The following TRAF6 variants were observed in gnomAD, a reference collection of about 807,000 sequenced individuals.
TRAF6 encodes the protein TNF receptor-associated factor 6.
TRAF6 carries 10 observed loss-of-function variants against 48.4 expected under a neutral mutation model. The observed-to-expected ratio is 0.21, with a 90% confidence interval of 0.13 to 0.35. The LOEUF is 0.35. TRAF6 is among the 10% of genes least tolerant of loss of function. The pLI, the probability that TRAF6 is intolerant of heterozygous loss-of-function variation, is 1.00. For missense variants in TRAF6, 397 were observed against 661.0 expected (o/e 0.60, Z 4.38); for synonymous variants, 186 against 219.6 (o/e 0.85, Z 1.35).
At chr11:36,503,518 A>T (rs534651681) in intron 1 of TRAF6, among the ~76,000 whole-genome samples, 1 of 152,192 alleles carries the variant, frequency 6.6e-6, no homozygotes, top group African/African-American at 2.4e-5. Flanking sequence ...CCTCACCTCA[A>T]ACGATCCACC....
rs898878183 is a variant in TRAF6 at position 36,484,127 on chromosome 11, G to A, written c.*5711C>T. Among the ~76,000 whole-genome samples the A allele has an allele frequency of 9.2e-5, 14 of 152,288 alleles. No homozygotes were observed. In the Middle Eastern group the frequency reaches 0.01, roughly 111 times the overall value. ...TGTATTGACCTGATGGAGGCCATCC[G>A]AGGTTTCACTGCCATTAGGAGCAGG... On this transcript the variant is annotated 3_prime_UTR_variant, in exon 7 of 7. Coordinates refer to ENST00000526995, the MANE Select transcript of TRAF6 (RefSeq NM_004620.4).
chr11:36,493,513 G>A (rs1859590436), intron 5 of TRAF6, among the ~76,000 whole-genome samples: 1 of 152,176 alleles, frequency 6.6e-6, no homozygotes, highest in South Asian at 2.1e-4. Context: ...ACACACATGG[G>A]TATGACTGTC....
chr11:36,503,419 G>C (rs1859744274), intron 1 of TRAF6, among the ~76,000 whole-genome samples: 3 of 151,856 alleles, frequency 2.0e-5, no homozygotes, highest in Admixed American at 2.0e-4. Flanking sequence ...CCAATAGCTG[G>C]GATTACAGGC....
chr11:36,491,091 C>A (rs1398761490), intron 6 of TRAF6, among the ~76,000 whole-genome samples: 2 of 152,070 alleles, frequency 1.3e-5, no homozygotes, highest in African/African-American at 2.4e-5. Flanking sequence ...AAGTCTTTCC[C>A]ATCAAAAAAG....
At position 36,501,379 on chromosome 11, in the gene TRAF6, G is replaced by C. The variant is rs1294385877; in HGVS notation, c.137C>G (p.Ser46Cys). The change falls in exon 2 of 7, where the codon TCC (serine) becomes TGC (cysteine). Residue 46 changes from serine to cysteine, a missense_variant. Around this residue, in one of 4 missense-constraint regions of TRAF6, gnomAD observed 73 missense variants for 87.3 expected, o/e 0.84. Transcript: ENST00000526995. Reference sequence around the variant, plus strand: ...CTGGATCTCCTCCATAAATGAGCTGGAGAGGTTCCCCGTGCTGGCAGTTCC... The same window carrying C: ...CTGGATCTCCTCCATAAATGAGCTGCAGAGGTTCCCCGTGCTGGCAGTTCC... ...VGGTASTGNL[S>C]SSFMEEIQGY... 8 of 1,613,982 alleles carry C rather than the reference G, an allele frequency of 5.0e-6. No individual in the cohort carries two copies. Among genetic ancestry groups the C allele is most frequent in the Non-Finnish European group, 6.8e-6 (8 of 1,180,028 alleles).
rs377074924 is a variant in TRAF6 at position 36,501,216 on chromosome 11, G to T, written c.296+4C>A. 2 of 1,579,098 alleles carry T rather than the reference G, an allele frequency of 1.3e-6. No homozygotes were observed. Among genetic ancestry groups the T allele is most frequent in the Non-Finnish European group, 1.7e-6 (2 of 1,159,980 alleles). On this transcript the variant is annotated splice_donor_region_variant and intron_variant, in intron 2 of 6. Transcript: ENST00000526995. Reference sequence around the variant, plus strand: ...GGACACCATTTTTTCTTATGCTCACGTACCTTATTGATTTTATGATGCAGG... The same window carrying T: ...GGACACCATTTTTTCTTATGCTCACTTACCTTATTGATTTTATGATGCAGG...
At chr11:36,497,858 T>C (rs1163666267) in intron 3 of TRAF6, among the ~76,000 whole-genome samples, 2 of 151,906 alleles carry the variant, frequency 1.3e-5, no homozygotes, top group African/African-American at 2.4e-5. Context: ...AAAAATGAAA[T>C]TGCAAGATTA....
intron 3 of TRAF6, among the ~76,000 whole-genome samples, chr11:36,498,262 T>TA (rs1435303070): frequency 6.6e-6 from 1 of 152,208 alleles, no homozygotes; most frequent in Non-Finnish European, 1.5e-5. Context: ...ACTGATTTTT[T>TA]AAAAAAATTA....
chr11:36,499,201 A>G (rs978188063), intron 2 of TRAF6, among the ~76,000 whole-genome samples: 1 of 152,136 alleles, frequency 6.6e-6, no homozygotes, highest in African/African-American at 2.4e-5. Flanking sequence ...CTAGGGTCCA[A>G]TGTTACAGAA....
At chr11:36,505,175 A>G (rs1044953774) in intron 1 of TRAF6, among the ~76,000 whole-genome samples, 33 of 152,202 alleles carry the variant, frequency 2.2e-4, no homozygotes, top group Non-Finnish European at 7.3e-5. Context: ...CTGTCCTTTA[A>G]AATTTTGAAG....
In TRAF6 at chr11:36,503,613, G is replaced by C. The variant is rs1298965756; in HGVS notation, c.-22-2076C>G. On this transcript the variant is annotated intron_variant, in intron 1 of 6. Transcript: ENST00000526995. ...TATTTAGTTTTGATACAGTATTCCC[G>C]AAGTTAAAAATAGCTCCCATGGCCT... 5.9e-5 allele frequency among the ~76,000 whole-genome samples: 9 copies of C among 152,182 alleles called. No homozygotes were observed. The South Asian group carries it at 1.9e-3, about 32-fold the overall frequency.
intron 2 of TRAF6, 40 bp downstream of exon 2, chr11:36,501,180 G>A: frequency 6.7e-7 from 1 of 1,493,252 alleles, no homozygotes; most frequent in South Asian, 1.3e-5. Context: ...TCTGCATCTG[G>A]TTCTGTTATA....
intron 1 of TRAF6, among the ~76,000 whole-genome samples, chr11:36,503,285 GTTTAC>G (rs1221827349): frequency 1.3e-5 from 2 of 150,596 alleles, no homozygotes; most frequent in African/African-American, 2.5e-5. Context: ...TTGGCATGTG[GTTTAC>G]TTAAGTTTTT....
chr11:36,499,733 C>T (rs117202787), intron 2 of TRAF6, among the ~76,000 whole-genome samples: 1,900 of 151,934 alleles, frequency 0.013, 21 homozygotes, highest in Admixed American at 0.02. Context: ...AGCCAAGTCC[C>T]GAGTATGGAT....
At chr11:36,501,852 A>C (rs1386982432) in intron 1 of TRAF6, 1 of 177,398 alleles carries the variant, frequency 5.6e-6, no homozygotes, top group African/African-American at 2.4e-5. Flanking sequence ...AAGGAGAAGC[A>C]CCTCAGTTGT....
intron 4 of TRAF6, among the ~76,000 whole-genome samples, chr11:36,495,615 C>T (rs780978851): frequency 1.3e-5 from 2 of 152,016 alleles, no homozygotes. Context: ...GTTGTCGGGC[C>T]GGGCGTGGTG....
In TRAF6 at chr11:36,495,063, G is replaced by A. The variant is rs374388777; in HGVS notation, c.607-16C>T. ...GGTCATGGATCTGAATTTTATTAGA[G>A]AAATATAATTAAAGCATGAGAATAT... is the stretch of plus-strand genomic sequence containing the variant. On this transcript the variant is annotated splice_polypyrimidine_tract_variant and intron_variant, in intron 4 of 6. Coordinates refer to ENST00000526995, the MANE Select transcript of TRAF6 (RefSeq NM_004620.4). The A allele has an allele frequency of 3.6e-5, 57 of 1,561,842 alleles. No homozygotes were observed. Among genetic ancestry groups the A allele is most frequent in the Non-Finnish European group, 4.6e-5 (53 of 1,141,402 alleles).
At chr11:36,499,362 T>C (rs1859685298) in intron 2 of TRAF6, among the ~76,000 whole-genome samples, 1 of 152,168 alleles carries the variant, frequency 6.6e-6, no homozygotes, top group African/African-American at 2.4e-5. Context: ...GAGCAGTTCC[T>C]TTAAGAACAC....
At position 36,490,020 on chromosome 11, in the gene TRAF6, T is replaced by C. The variant is rs773499691; in HGVS notation, c.1387A>G (p.Thr463Ala). The change falls in exon 7 of 7, where the codon ACA becomes GCA. Residue 463 changes from threonine to alanine, a missense_variant. Thr to Ala is a moderately conservative substitution (Grantham distance 58). This residue lies in a region of TRAF6 where 74 missense variants were observed against 198.9 expected (regional missense o/e 0.37). Transcript: ENST00000526995. The surrounding 1 kb of genome is among the most constrained non-coding windows in gnomAD (Gnocchi z 6.4). ...AAACCTTTTGGGTTCCGTGGGATTGTGGGTCGCTGGAAAGCAAGCAGCTCT... is the reference window on the plus strand; with the variant it reads ...AAACCTTTTGGGTTCCGTGGGATTGCGGGTCGCTGGAAAGCAAGCAGCTCT... ...KPELLAFQRP[T>A]IPRNPKGFGY... 59 of 1,614,038 alleles carry C rather than the reference T, an allele frequency of 3.7e-5. No homozygotes were observed. The highest frequency in any genetic ancestry group is 4.7e-5 in the Non-Finnish European group (56 of 1,180,030).
Sources: allele counts gnomAD v4.1 joint callset (sites outside exome capture counted in the v4.1 genomes callset), GRCh38; gene constraint gnomAD v4.1.1; regional missense constraint gnomAD v4.1.1; non-coding constraint Gnocchi (gnomAD v3.1); transcripts MANE v1.5; gene names NCBI Gene and HGNC (gene_info 2026-07-23, HGNC 2026-07-21).